Variants in DAAM1 observed in about 807,000 individuals in gnomAD.
The protein encoded by DAAM1 is dishevelled associated activator of morphogenesis 1, also known as disheveled-associated activator of morphogenesis 1.
Under a neutral mutation model 130.0 loss-of-function variants are expected in DAAM1, and 52 were observed. That is an observed-to-expected ratio of 0.40 (90% CI 0.32 to 0.50). The LOEUF is 0.50. Ranked by LOEUF, DAAM1 falls within the 20% of genes least tolerant of loss-of-function variation. The pLI, the probability that DAAM1 is intolerant of heterozygous loss-of-function variation, is 0.61. For missense variants in DAAM1, 1,134 were observed against 1,303.8 expected (o/e 0.87, Z 2.01); for synonymous variants, 452 against 444.5 (o/e 1.02, Z -0.21).
intron 1 of DAAM1, among the ~76,000 whole-genome samples, chr14:59,199,664 GTC>G (rs1185723850): frequency 6.6e-6 from 1 of 152,206 alleles, no homozygotes; most frequent in Non-Finnish European, 1.5e-5. Context: ...TGGGATGAAT[GTC>G]TCTTCAAAGG....
At chr14:59,247,865 A>G (rs996007229) in intron 1 of DAAM1, among the ~76,000 whole-genome samples, 2 of 152,186 alleles carry the variant, frequency 1.3e-5, no homozygotes, top group Admixed American at 1.3e-4. Context: ...TTTTACATTT[A>G]TCATATACCA....
rs370266296 is a variant in DAAM1, at chr14:59,204,679, G to A, written c.-38+15911G>A. ...AGTTCTGCCTGTCATATCAGGTAAC[G>A]TACATTTATGCCATTATACTCTTGA... On this transcript the variant is annotated intron_variant, in intron 1 of 24. Transcript: ENST00000360909. Among the ~76,000 whole-genome samples, 45 of 152,256 alleles carry A rather than the reference G, an allele frequency of 3.0e-4. No homozygotes were observed. In the South Asian group the frequency reaches 7.7e-3, roughly 26 times the overall value.
chr14:59,214,264 G>A (rs1247521128), intron 1 of DAAM1, among the ~76,000 whole-genome samples: 1 of 152,194 alleles, frequency 6.6e-6, no homozygotes, highest in Admixed American at 6.5e-5. Context: ...GTATACGTTG[G>A]TTTAAGTTCA....
chr14:59,237,154 G>C (rs1433095010), intron 1 of DAAM1, among the ~76,000 whole-genome samples: 1 of 152,202 alleles, frequency 6.6e-6, no homozygotes, highest in African/African-American at 2.4e-5. Context: ...GGGTGGATTG[G>C]AAGAGTGGTT....
chr14:59,230,296 C>A (rs1889062910), intron 1 of DAAM1, among the ~76,000 whole-genome samples: 1 of 142,698 alleles, frequency 7.0e-6, no homozygotes, highest in Admixed American at 7.0e-5. Flanking sequence ...GGGGGTGATG[C>A]TTAGAGGCTT....
chr14:59,342,935 G>A (rs977415057), intron 16 of DAAM1, among the ~76,000 whole-genome samples: 4 of 152,158 alleles, frequency 2.6e-5, no homozygotes, highest in South Asian at 2.1e-4. Flanking sequence ...CTGCAATCCC[G>A]GCAGAAAATT....
At chr14:59,207,953 T>G (rs1029085128) in intron 1 of DAAM1, among the ~76,000 whole-genome samples, 3 of 152,194 alleles carry the variant, frequency 2.0e-5, no homozygotes, top group Admixed American at 6.5e-5. Context: ...GAAACTTATT[T>G]TTTGGTTATA....
chr14:59,296,074 A>G (rs543209377), intron 3 of DAAM1, among the ~76,000 whole-genome samples: 13 of 152,326 alleles, frequency 8.5e-5, no homozygotes, highest in Non-Finnish European at 1.9e-4. Context: ...TCAAACTGGC[A>G]TTTCTGCTCT....
At chr14:59,245,128 T>A (rs183899662) in intron 1 of DAAM1, among the ~76,000 whole-genome samples, 57 of 152,364 alleles carry the variant, frequency 3.7e-4, no homozygotes, top group African/African-American at 1.2e-3. Flanking sequence ...TTTTTTCTAC[T>A]GTGTCTTCAC....
intron 1 of DAAM1, among the ~76,000 whole-genome samples, chr14:59,207,948 T>C (rs1270779940): frequency 6.6e-6 from 1 of 152,198 alleles, no homozygotes; most frequent in Non-Finnish European, 1.5e-5. Flanking sequence ...AGTCAGAAAC[T>C]TATTTTTTGG....
intron 3 of DAAM1, among the ~76,000 whole-genome samples, chr14:59,296,766 A>G (rs1418798754): frequency 2.0e-5 from 3 of 152,190 alleles, no homozygotes; most frequent in African/African-American, 7.2e-5. Flanking sequence ...CATGCACTGT[A>G]CACTTTCCTC....
intron 1 of DAAM1, among the ~76,000 whole-genome samples, chr14:59,224,251 C>G (rs763329869): frequency 1.3e-5 from 2 of 152,200 alleles, no homozygotes; most frequent in Non-Finnish European, 2.9e-5. Flanking sequence ...ATTGGAATCA[C>G]TGGTTTGTTA....
rs370018429 is a variant in DAAM1 at position 59,263,434 on chromosome 14, T to G, written c.-37-7T>G. The G allele has an allele frequency of 1.2e-6, 2 of 1,610,086 alleles. No homozygotes were observed. Among genetic ancestry groups the G allele is most frequent in the Non-Finnish European group, 1.7e-6 (2 of 1,176,630 alleles). ...ACTCTTAACCATGTCATATCCTCTT[T>G]TTGCAGCGTTTAGTCACATCAAGAA... On this transcript the variant is annotated splice_region_variant and splice_polypyrimidine_tract_variant and intron_variant, in intron 1 of 24. Transcript: ENST00000360909.
At chr14:59,207,892 GC>G (rs1888311408) in intron 1 of DAAM1, among the ~76,000 whole-genome samples, 1 of 152,082 alleles carries the variant, frequency 6.6e-6, no homozygotes, top group African/African-American at 2.4e-5. Flanking sequence ...GAGAAATTTT[GC>G]CGTGCCTAGC....
At chr14:59,316,151 G>A (rs1199399822) in intron 4 of DAAM1, among the ~76,000 whole-genome samples, 3 of 152,144 alleles carry the variant, frequency 2.0e-5, no homozygotes, top group Non-Finnish European at 2.9e-5. Flanking sequence ...CTTTGTCTCA[G>A]TGGGCACACT....
intron 16 of DAAM1, among the ~76,000 whole-genome samples, chr14:59,343,915 G>A (rs774055862): frequency 6.6e-6 from 1 of 152,202 alleles, no homozygotes; most frequent in Non-Finnish European, 1.5e-5. Flanking sequence ...GAGTAGAATG[G>A]GCACGTCTTA....
chr14:59,204,588 G>T (rs1888204955), intron 1 of DAAM1, among the ~76,000 whole-genome samples: 1 of 152,164 alleles, frequency 6.6e-6, no homozygotes, highest in South Asian at 2.1e-4. Flanking sequence ...ATAGTGACTG[G>T]TTCCATCCAC....
chr14:59,318,500 A>G (rs1007769786), intron 4 of DAAM1, among the ~76,000 whole-genome samples: 1 of 150,596 alleles, frequency 6.6e-6, no homozygotes, highest in East Asian at 1.9e-4. Flanking sequence ...GATATTTGGC[A>G]TAGTAATCAT....
intron 16 of DAAM1, among the ~76,000 whole-genome samples, chr14:59,341,146 A>T (rs1230346342): frequency 6.6e-6 from 1 of 152,182 alleles, no homozygotes; most frequent in Non-Finnish European, 1.5e-5. Context: ...TCAGGGAGCA[A>T]ATGTTTCTTT....
Sources: gnomAD v4.1 joint callset for allele counts (sites outside exome capture counted in the v4.1 genomes callset) on GRCh38, gnomAD v4.1.1 for gene constraint, MANE v1.5 for transcripts, NCBI Gene and HGNC (gene_info 2026-07-23, HGNC 2026-07-21) for gene names.